GPHN: variants seen among roughly 807,000 people sequenced by gnomAD.
GPHN encodes the protein gephyrin.
GPHN carries 17 observed loss-of-function variants against 95.5 expected under a neutral mutation model. The observed-to-expected ratio is 0.18, with a 90% CI of 0.12 to 0.27. The LOEUF (loss-of-function observed/expected upper bound fraction) is 0.27. GPHN is among the 10% of genes least tolerant of loss of function. The pLI, the probability that GPHN is intolerant of heterozygous loss-of-function variation, is 1.00. For synonymous variants in GPHN, 320 were observed against 322.5 expected (o/e 0.99, Z 0.08); for missense variants, 660 against 978.1 (o/e 0.67, Z 4.34).
At chr14:66,713,540 T>C (rs1363234672) in intron 2 of GPHN, among the ~76,000 whole-genome samples, 19 of 152,184 alleles carry the variant, frequency 1.2e-4, no homozygotes, top group Non-Finnish European at 4.4e-5. Flanking sequence ...TGTGGCCTTA[T>C]AGTATAGTTT....
At chr14:67,192,945 T>C in the GPHN span, among the ~76,000 whole-genome samples, 1 of 146,764 alleles carries the variant, frequency 6.8e-6, no homozygotes, top group African/African-American at 2.5e-5. Context: ...TCTAGATAAA[T>C]ATCTCTATAT....
chr14:66,900,809 A>G (rs747302969), intron 5 of GPHN, among the ~76,000 whole-genome samples: 4 of 152,018 alleles, frequency 2.6e-5, no homozygotes, highest in Non-Finnish European at 5.9e-5. Flanking sequence ...CTTAGGTTGA[A>G]TCCATATTTT....
chr14:66,570,295 C>CTTTTTTTTTTTT (rs535461102), intron 1 of GPHN, among the ~76,000 whole-genome samples: 1 of 100,112 alleles, frequency 1.0e-5, no homozygotes, highest in Non-Finnish European at 1.9e-5. Context: ...ATTTCATGTA[C>CTTTTTTTTTTTT]TTTTTTTTTT....
the GPHN span, among the ~76,000 whole-genome samples, chr14:67,716,143 G>GC: frequency 6.6e-6 from 1 of 151,166 alleles, no homozygotes; most frequent in Admixed American, 6.6e-5. Flanking sequence ...CTTGCAGTGG[G>GC]CCGAGATCAC....
intron 4 of GPHN, among the ~76,000 whole-genome samples, chr14:66,837,269 A>G (rs1293633535): frequency 6.6e-6 from 1 of 151,762 alleles, no homozygotes; most frequent in Non-Finnish European, 1.5e-5. Context: ...CAGCCATAAA[A>G]AATGATGAGT....
chr14:67,235,181 T>A, the GPHN span, among the ~76,000 whole-genome samples: 2 of 150,608 alleles, frequency 1.3e-5, no homozygotes, highest in Admixed American at 6.6e-5. Flanking sequence ...TCAGGCCAGA[T>A]ACCATCCAGA....
chr14:67,381,847 A>G, the GPHN span, among the ~76,000 whole-genome samples: 1 of 151,256 alleles, frequency 6.6e-6, no homozygotes, highest in Non-Finnish European at 1.5e-5. Context: ...ATATTTCTAG[A>G]TGTTTGTGAT....
the GPHN span, chr14:67,677,914 T>G: frequency 1.3e-5 from 2 of 157,230 alleles, no homozygotes; most frequent in South Asian, 3.7e-4. Flanking sequence ...GAGGTTGCAG[T>G]GTGGCCCTCT....
intron 2 of GPHN, chr14:66,709,306 G>C (rs1318643165): frequency 2.2e-6 from 1 of 455,472 alleles, no homozygotes; most frequent in Non-Finnish European, 4.4e-6. Flanking sequence ...CTGAAATGAA[G>C]AGCCCCATCT....
At chr14:66,776,679 A>G (rs1389916112) in intron 3 of GPHN, among the ~76,000 whole-genome samples, 158 bp downstream of exon 3, 1 of 152,072 alleles carries the variant, frequency 6.6e-6, no homozygotes, top group Non-Finnish European at 1.5e-5. Flanking sequence ...GTATCAGATA[A>G]TCACCATCAG....
intron 9 of GPHN, among the ~76,000 whole-genome samples, chr14:66,996,424 CT>C (rs1567193915): frequency 6.6e-6 from 1 of 151,888 alleles, no homozygotes; most frequent in African/African-American, 2.4e-5. Flanking sequence ...GTCTGAATAA[CT>C]TTTTTTTGGC....
intron 3 of GPHN, among the ~76,000 whole-genome samples, chr14:66,798,371 A>G (rs2060229715): frequency 6.6e-6 from 1 of 151,940 alleles, no homozygotes; most frequent in Non-Finnish European, 1.5e-5. Context: ...ATTTTTCAGA[A>G]TAGTGTGAAT....
chr14:67,259,375 C>G, the GPHN span, among the ~76,000 whole-genome samples: 2 of 151,848 alleles, frequency 1.3e-5, no homozygotes, highest in Non-Finnish European at 2.9e-5. Context: ...CTTTGGGAGG[C>G]CAAGGCAGGC....
intron 2 of GPHN, among the ~76,000 whole-genome samples, chr14:66,697,957 A>T (rs1037204153): frequency 8.6e-5 from 13 of 152,044 alleles, no homozygotes; most frequent in African/African-American, 3.1e-4. Flanking sequence ...AGCCTCCCAA[A>T]GTGCTGGGAA....
At chr14:67,386,422 A>C in the GPHN span, 1 of 152,188 alleles carries the variant, frequency 6.6e-6, no homozygotes, top group Non-Finnish European at 1.5e-5. Flanking sequence ...GATTAAGGGG[A>C]GGTCCAAGCA....
At chr14:66,992,428 T>C (rs144812228) in intron 9 of GPHN, among the ~76,000 whole-genome samples, 42 of 152,284 alleles carry the variant, frequency 2.8e-4, no homozygotes, top group Middle Eastern at 3.4e-3. Context: ...TTAATAAGTG[T>C]TAAGAAAAAT....
chr14:66,595,094 T>C (rs2061916444), intron 1 of GPHN, among the ~76,000 whole-genome samples: 1 of 152,152 alleles, frequency 6.6e-6, no homozygotes, highest in South Asian at 2.1e-4. Context: ...ATAACTCTAA[T>C]GAGATACTGT....
the GPHN span, among the ~76,000 whole-genome samples, chr14:67,448,562 A>G: frequency 6.6e-6 from 1 of 151,946 alleles, no homozygotes; most frequent in South Asian, 2.1e-4. Flanking sequence ...CAGCCCCTAC[A>G]AGGACTGCAT....
chr14:67,508,769 A>AAAAAAAAAAAAAAAAAAAAAAG, the GPHN span, among the ~76,000 whole-genome samples: 1 of 151,002 alleles, frequency 6.6e-6, no homozygotes, highest in Non-Finnish European at 1.5e-5. Flanking sequence ...AAAAAAAAAA[A>AAAAAAAAAAAAAAAAAAAAAAG]AACAGAAGAC....
Sources: allele counts gnomAD v4.1 joint callset (sites outside exome capture counted in the v4.1 genomes callset), GRCh38; gene constraint gnomAD v4.1.1; transcripts MANE v1.5; gene names NCBI Gene and HGNC (gene_info 2026-07-23, HGNC 2026-07-21).